Variants in KIF21B observed in about 807,000 individuals in gnomAD.
KIF21B encodes the protein kinesin-like protein KIF21B.
In KIF21B, 85 loss-of-function variants were observed where a neutral mutation model predicts 192.9. That is an observed-to-expected ratio of 0.44 (90% CI 0.37 to 0.53). The LOEUF is 0.53. Among genes scored for constraint, KIF21B ranks in the 20% least tolerant of loss-of-function variants. The pLI is 0.00. For missense variants in KIF21B, 1,716 were observed against 2,194.8 expected (o/e 0.78, Z 4.36); for synonymous variants, 832 against 884.6 (o/e 0.94, Z 1.05).
intron 1 of KIF21B, among the ~76,000 whole-genome samples, chr1:201,011,632 T>C (rs1291440618): frequency 6.6e-6 from 1 of 152,218 alleles, no homozygotes; most frequent in East Asian, 1.9e-4. Context: ...AACTGTCTTT[T>C]AGACCTGGCT....
chr1:201,009,028 C>T (rs1243293128), intron 2 of KIF21B, 77 bp from the exon 3 acceptor site: 2 of 1,484,980 alleles, frequency 1.3e-6, no homozygotes, highest in Non-Finnish European at 1.8e-6. Context: ...GGGCCAAATC[C>T]CCTTAGCTCA....
rs746020042 is a variant in KIF21B at position 200,990,122 on chromosome 1, C to G, written c.3030+16G>C. 1 of 1,611,666 alleles carries G rather than the reference C, an allele frequency of 6.2e-7. No individual in the cohort carries two copies. Among genetic ancestry groups the G allele is most frequent in the East Asian group, 2.2e-5 (1 of 44,822 alleles). The stretch of plus-strand genomic sequence containing the variant: ...CTCTCCCGCCTCCGCCCCAGCAGGC[C>G]CAGCCCTGCGGATACCTTGGTCTCC... On this transcript the variant is annotated intron_variant, in intron 20 of 34. Transcript: ENST00000461742. The surrounding 1 kb of genome is among the most constrained non-coding windows in gnomAD (Gnocchi z 5.4).
At chr1:201,004,218 G>A in intron 7 of KIF21B, 122 bp downstream of exon 7, 1 of 770,668 alleles carries the variant, frequency 1.3e-6, no homozygotes, top group Non-Finnish European at 2.2e-6. Context: ...TCCTAAACCT[G>A]CAGCCTAGGA....
rs575029893 is a variant in KIF21B, at chr1:200,981,446, C to T, written c.3843-350G>A. 9.9e-5 allele frequency among the ~76,000 whole-genome samples: 15 copies of T among 152,250 alleles called. No individual in the cohort carries two copies. The South Asian group carries it at 2.3e-3, about 23-fold the overall frequency. On this transcript the variant is annotated intron_variant, in intron 28 of 34. Coordinates refer to ENST00000461742, the MANE Select transcript of KIF21B (RefSeq NM_001252102.2). Reference sequence around the variant, plus strand: ...CCAGATCCTGAGATGTGAATGCGCCCGGGTCCAGCTGGGCAGGGCAGAGGC... The same window carrying T: ...CCAGATCCTGAGATGTGAATGCGCCTGGGTCCAGCTGGGCAGGGCAGAGGC...
rs1490112238 is a variant in KIF21B at position 200,996,358 on chromosome 1, C to T, written c.2115G>A (p.Lys705=). The change falls in exon 15 of 35, where the codon AAG becomes AAA. Residue 705 remains lysine, a synonymous_variant. Transcript: ENST00000461742. ...GCCTCTTCTCATAGTCTGCCTTGAT[C>T]TTGTTGGCCTTCTCCTCAGTATAGC... ...MECYTEEKAN[K]IKADYEKRLR... is the part of the protein sequence containing the mutation. 1.9e-6 allele frequency: 3 copies of T among 1,614,160 alleles called. No homozygotes were observed. The highest frequency in any genetic ancestry group is 2.5e-6 in the Non-Finnish European group (3 of 1,180,036).
At chr1:200,987,291 A>T (rs1244016207) in intron 24 of KIF21B, 90 bp from the exon 25 acceptor site, 1 of 1,092,352 alleles carries the variant, frequency 9.2e-7, no homozygotes, top group Non-Finnish European at 1.3e-6. Context: ...TTTTTTTTTG[A>T]GACAGTGGTG....
intron 1 of KIF21B, among the ~76,000 whole-genome samples, chr1:201,020,931 A>G (rs999882763): frequency 6.6e-6 from 1 of 152,092 alleles, no homozygotes; most frequent in African/African-American, 2.4e-5. Flanking sequence ...GAAATTCAGA[A>G]GGCACTTCAG....
chr1:200,994,849 T>C (rs1008265078), intron 15 of KIF21B, among the ~76,000 whole-genome samples: 5 of 152,132 alleles, frequency 3.3e-5, no homozygotes, highest in Admixed American at 2.0e-4. Context: ...CACCAGCCCC[T>C]CCCTCTAAAC....
intron 4 of KIF21B, 21 bp from the exon 5 acceptor site, chr1:201,005,463 G>A: frequency 1.3e-6 from 2 of 1,598,282 alleles, no homozygotes; most frequent in Non-Finnish European, 1.7e-6. Flanking sequence ...AAGCAGAAGT[G>A]AGGGCTTGGG....
chr1:201,000,048 A>C lies in KIF21B; in HGVS notation c.1686-84T>G. The stretch of plus-strand genomic sequence containing the variant: ...GGCAGGACGGCGGCAGCGGCAGAAA[A>C]GGAAGGCTCTCACCAGAGGCCGGGG... On this transcript the variant is annotated intron_variant, in intron 11 of 34. Coordinates refer to ENST00000461742, the MANE Select transcript of KIF21B (RefSeq NM_001252102.2). This position sits in a 1 kb window ranked among gnomAD's most constrained non-coding sequence, Gnocchi z 6.0. 1 of 1,262,650 alleles carries C rather than the reference A, an allele frequency of 7.9e-7. No individual in the cohort carries two copies. Among genetic ancestry groups the C allele is most frequent in the South Asian group, 1.2e-5 (1 of 83,858 alleles). 78.2% of individuals were successfully genotyped at this position (1,262,650 alleles called of 1,614,324 possible). A position where few individuals can be genotyped will look rare whatever the true frequency, so the allele number is the denominator to read the frequency against.
rs780898657 is a variant in KIF21B, at chr1:201,005,657, G to T, written c.485C>A (p.Thr162Asn). 24 of 1,614,180 alleles carry T rather than the reference G, an allele frequency of 1.5e-5. No individual in the cohort carries two copies. The highest frequency in any genetic ancestry group is 1.7e-5 in the Non-Finnish European group (20 of 1,180,030). The change falls in exon 4 of 35, where the codon ACC (threonine) becomes AAC (asparagine). Residue 162 changes from threonine (T) to asparagine (N), a missense_variant. This residue lies in a region of KIF21B where 1,087 missense variants were observed against 1,316.6 expected (regional missense o/e 0.83). Coordinates refer to ENST00000461742, the MANE Select transcript of KIF21B (RefSeq NM_001252102.2). Reference protein sequence around the residue: ...NEEILDLFDSTRDPDTRHRRS... With the variant: ...NEEILDLFDSNRDPDTRHRRS... ...GCGGTGGCGGGTGTCAGGGTCACGG[G>T]TGCTGTCAAACAGGTCAAGGATCTC...
chr1:200,974,017 C>A, intron 34 of KIF21B: 1 of 1,567,652 alleles, frequency 6.4e-7, no homozygotes. Context: ...TAAGAAGCAG[C>A]TCAGATCGAA....
At chr1:200,981,823 C>A (rs1655950825) in intron 28 of KIF21B, among the ~76,000 whole-genome samples, 1 of 152,094 alleles carries the variant, frequency 6.6e-6, no homozygotes, top group African/African-American at 2.4e-5. Context: ...TCCCATGATG[C>A]TAGGGGAGCG....
rs949080056 is a variant in KIF21B at position 201,023,286 on chromosome 1, C to A, written c.41+57G>T. 3 of 1,458,282 alleles carry A rather than the reference C, an allele frequency of 2.1e-6. No homozygotes were observed. Among genetic ancestry groups the A allele is most frequent in the Non-Finnish European group, 2.8e-6 (3 of 1,087,246 alleles). 90.3% of individuals were successfully genotyped at this position (1,458,282 alleles called of 1,614,324 possible). A position where few individuals can be genotyped will look rare whatever the true frequency, so the allele number is the denominator to read the frequency against. On this transcript the variant is annotated intron_variant, in intron 1 of 34. Transcript: ENST00000461742. The surrounding 1 kb of genome is among the most constrained non-coding windows in gnomAD (Gnocchi z 5.9). ...GCTCGCGCCCCCCGCCCAAAGCCCA[C>A]GCGAGACAAAGCCCGAGGCTTCTCC...
chr1:200,989,863 C>T, intron 21 of KIF21B, 79 bp downstream of exon 21: 1 of 1,174,698 alleles, frequency 8.5e-7, no homozygotes, highest in Admixed American at 1.9e-5. Flanking sequence ...GGCGCCAGGC[C>T]CCTGGGCTTC....
rs1339999376 is a variant in KIF21B, at chr1:201,002,323, C to T, written c.1240G>A (p.Ala414Thr). Residue 414 changes from alanine (A) to threonine (T), a missense_variant, in exon 9 of 35, where the codon GCT (alanine) becomes ACT (threonine). By Grantham distance (58) the Ala-to-Thr change is moderately conservative (BLOSUM62 0). Coordinates refer to ENST00000461742, the MANE Select transcript of KIF21B (RefSeq NM_001252102.2). ...AGKRVIGEDG[A>T]EGYSDLFREN... Reference sequence around the variant, plus strand: ...CGGAACAGATCACTATAGCCCTCAGCGCCATCCTCTCCTATCACTCGCTTG... The same window carrying T: ...CGGAACAGATCACTATAGCCCTCAGTGCCATCCTCTCCTATCACTCGCTTG... 6.2e-7 allele frequency: 1 copy of T among 1,614,148 alleles called. No individual in the cohort carries two copies. Among genetic ancestry groups the T allele is most frequent in the African/African-American group, 1.3e-5 (1 of 75,056 alleles).
At position 200,999,820 on chromosome 1, in the gene KIF21B, C is replaced by CG. The variant is rs1657351251; in HGVS notation, c.1767+62dup. 2 of 1,577,282 alleles carry CG rather than the reference C, an allele frequency of 1.3e-6. No homozygotes were observed. The highest frequency in any genetic ancestry group is 1.7e-5 in the Admixed American group (1 of 59,936). Reference sequence around the variant, plus strand: ...CATACAAGGATGCGGATGGGGCCCCCGCCAACCCCAGCAGGGACACAAGGC... The same window carrying CG: ...CATACAAGGATGCGGATGGGGCCCCCGGCCAACCCCAGCAGGGACACAAGGC... On this transcript the variant is annotated intron_variant, in intron 12 of 34. Coordinates refer to ENST00000461742, the MANE Select transcript of KIF21B (RefSeq NM_001252102.2). This position sits in a 1 kb window ranked among gnomAD's most constrained non-coding sequence, Gnocchi z 4.7.
chr1:200,981,150 C>T, intron 28 of KIF21B, 54 bp from the exon 29 acceptor site: 2 of 1,547,218 alleles, frequency 1.3e-6, no homozygotes, highest in Non-Finnish European at 1.7e-6. Flanking sequence ...AGACTGTGGC[C>T]AGGCTGATCA....
Position 200,998,949 on chromosome 1 carries a change from G to A in KIF21B, c.1886-374C>T, listed in dbSNP as rs1171347251. On this transcript the variant is annotated intron_variant, in intron 13 of 34. Coordinates refer to ENST00000461742, the MANE Select transcript of KIF21B (RefSeq NM_001252102.2). This position sits in a 1 kb window ranked among gnomAD's most constrained non-coding sequence, Gnocchi z 4.3. ...GGGCTGGCAGCAGGCAGGGCTGAAG[G>A]GGCAGGCATCTCCATTTAGAGGAGA... Among the ~76,000 whole-genome samples, 1 of 152,134 alleles carries A rather than the reference G, an allele frequency of 6.6e-6. No homozygotes were observed. The highest frequency in any genetic ancestry group is 1.5e-5 in the Non-Finnish European group (1 of 68,026).
Sources: gnomAD v4.1 joint callset for allele counts (sites outside exome capture counted in the v4.1 genomes callset) on GRCh38, gnomAD v4.1.1 for gene constraint, gnomAD v4.1.1 regional missense constraint, Gnocchi (gnomAD v3.1) non-coding constraint, MANE v1.5 for transcripts, NCBI Gene and HGNC (gene_info 2026-07-23, HGNC 2026-07-21) for gene names.